Variants in IL19 observed in about 807,000 individuals in gnomAD.
The protein encoded by IL19 is interleukin 19.
A neutral mutation model predicts 19.5 loss-of-function variants in IL19; 15 were observed. That is an observed-to-expected ratio of 0.77 (90% CI 0.52 to 1.19). The LOEUF (loss-of-function observed/expected upper bound fraction) is 1.19. IL19 is among the 50% of genes most tolerant of loss of function. The pLI, the probability that IL19 is intolerant of heterozygous loss-of-function variation, is 0.00. For synonymous variants in IL19, 78 were observed against 78.3 expected, an observed-to-expected ratio of 1.00 and a Z score of 0.02; for missense variants, 199 against 213.1, an observed-to-expected ratio of 0.93 and a Z score of 0.41.
intron 2 of IL19, among the ~76,000 whole-genome samples, chr1:206,820,151 C>T (rs1226755680): frequency 6.6e-6 from 1 of 152,196 alleles, no homozygotes; most frequent in African/African-American, 2.4e-5. Flanking sequence ...TGCTCACTCG[C>T]CTTCCAAGCT....
At chr1:206,801,883 A>G (rs1240800450) in intron 2 of IL19, among the ~76,000 whole-genome samples, 1 of 152,240 alleles carries the variant, frequency 6.6e-6, no homozygotes, top group Non-Finnish European at 1.5e-5. Context: ...TTACCTGGGT[A>G]TCTTGACTGT....
intron 1 of IL19, among the ~76,000 whole-genome samples, chr1:206,777,117 G>A (rs1675026499): frequency 2.6e-5 from 4 of 151,118 alleles, no homozygotes; most frequent in Non-Finnish European, 4.4e-5. Flanking sequence ...TGTAGTCCCA[G>A]CTACTCGGGA....
chr1:206,786,761 C>T (rs1675278107), intron 1 of IL19, among the ~76,000 whole-genome samples: 1 of 152,108 alleles, frequency 6.6e-6, no homozygotes, highest in South Asian at 2.1e-4. Flanking sequence ...CCTCACCCTT[C>T]TCCCCAGTAC....
chr1:206,816,633 G>T (rs1001343861), intron 2 of IL19, among the ~76,000 whole-genome samples: 1 of 152,146 alleles, frequency 6.6e-6, no homozygotes, highest in African/African-American at 2.4e-5. Context: ...TTTAAAAAAA[G>T]ATGGTACAAA....
At chr1:206,774,105 G>C (rs1236562917) in intron 1 of IL19, among the ~76,000 whole-genome samples, 7 of 152,194 alleles carry the variant, frequency 4.6e-5, no homozygotes, top group African/African-American at 7.2e-5. Flanking sequence ...CACTGCAAGG[G>C]GTGCAAACAC....
At position 206,832,182 on chromosome 1, in the gene IL19, G is replaced by A. The variant is rs1208310074; in HGVS notation, c.-2-4479G>A. On this transcript the variant is annotated intron_variant, in intron 2 of 6. Transcript: ENST00000659997. Reference sequence around the variant, plus strand: ...ACCCTCTCCAAAGGAGCAGAAAGATGTCCATTAGCTCCTAACAAAGGTGTC... The same window carrying A: ...ACCCTCTCCAAAGGAGCAGAAAGATATCCATTAGCTCCTAACAAAGGTGTC... Among the ~76,000 whole-genome samples, 3 of 152,248 alleles carry A rather than the reference G, an allele frequency of 2.0e-5. No homozygotes were observed. In the East Asian group the frequency reaches 5.8e-4, roughly 29 times the overall value.
chr1:206,840,327 C>T (rs1291095744), intron 5 of IL19: 1 of 435,408 alleles, frequency 2.3e-6, no homozygotes, highest in Non-Finnish European at 4.4e-6. Context: ...TATTTCTGGC[C>T]CTTTGGTGTC....
intron 2 of IL19, chr1:206,833,835 T>C (rs1676692897): frequency 1.0e-6 from 1 of 985,552 alleles, no homozygotes; most frequent in African/African-American, 1.7e-5. Flanking sequence ...GTGTTCCTCA[T>C]GAAGTTCAAC....
At chr1:206,823,707 T>C (rs538422657) in intron 2 of IL19, among the ~76,000 whole-genome samples, 29 of 152,358 alleles carry the variant, frequency 1.9e-4, no homozygotes, top group Admixed American at 1.7e-3. Context: ...ACTTTTCTAA[T>C]GGCTGAGAAA....
At chr1:206,800,338 G>T (rs552781820) in intron 2 of IL19, among the ~76,000 whole-genome samples, 7 of 152,336 alleles carry the variant, frequency 4.6e-5, no homozygotes, top group Admixed American at 2.0e-4. Flanking sequence ...TGGAGGAGTT[G>T]TCTCCCTGGG....
chr1:206,806,347 C>T (rs377057612), intron 2 of IL19, among the ~76,000 whole-genome samples: 1 of 147,778 alleles, frequency 6.8e-6, no homozygotes, highest in African/African-American at 2.5e-5. Context: ...ATCACATTGG[C>T]AGATAGAAAA....
chr1:206,820,670 G>A (rs1267484855), intron 2 of IL19, among the ~76,000 whole-genome samples: 1 of 152,234 alleles, frequency 6.6e-6, no homozygotes, highest in Non-Finnish European at 1.5e-5. Flanking sequence ...TGTGGACATG[G>A]CTGGGTGAGA....
At chr1:206,839,085 C>T (rs1676905429) in intron 4 of IL19, among the ~76,000 whole-genome samples, 1 of 152,226 alleles carries the variant, frequency 6.6e-6, no homozygotes, top group Non-Finnish European at 1.5e-5. Context: ...GTAACTGGCT[C>T]TCAGGGCAGA....
At chr1:206,788,922 G>A (rs903980258) in intron 1 of IL19, among the ~76,000 whole-genome samples, 2 of 152,228 alleles carry the variant, frequency 1.3e-5, no homozygotes, top group African/African-American at 4.8e-5. Flanking sequence ...TGTGGTGCCT[G>A]TGTGTGTAAG....
chr1:206,831,869 C>A (rs1676618597), intron 2 of IL19, among the ~76,000 whole-genome samples: 1 of 152,256 alleles, frequency 6.6e-6, no homozygotes, highest in Non-Finnish European at 1.5e-5. Context: ...CCTTCCCCTG[C>A]AAGCTTCCTG....
At chr1:206,787,747 G>A (rs887364347) in intron 1 of IL19, among the ~76,000 whole-genome samples, 6 of 152,170 alleles carry the variant, frequency 3.9e-5, no homozygotes, top group Non-Finnish European at 7.3e-5. Flanking sequence ...ACATGAAAGA[G>A]CCCCTCTGTG....
chr1:206,837,360 G>A (rs1039430536), intron 4 of IL19, among the ~76,000 whole-genome samples: 3 of 152,156 alleles, frequency 2.0e-5, no homozygotes, highest in Non-Finnish European at 4.4e-5. Context: ...GGAGGTTGTA[G>A]ATCAGTGAAT....
intron 1 of IL19, chr1:206,772,531 G>T: frequency 8.8e-7 from 1 of 1,134,894 alleles, no homozygotes; most frequent in Non-Finnish European, 1.3e-6. Flanking sequence ...TATATTGTAA[G>T]CTCAGGGAGG....
chr1:206,816,317 T>TA (rs1676154530), intron 2 of IL19, among the ~76,000 whole-genome samples: 1 of 152,112 alleles, frequency 6.6e-6, no homozygotes, highest in African/African-American at 2.4e-5. Flanking sequence ...TTTTAAAAAA[T>TA]AATGTACTTT....
Sources: allele counts gnomAD v4.1 joint callset (sites outside exome capture counted in the v4.1 genomes callset), GRCh38; gene constraint gnomAD v4.1.1; transcripts MANE v1.5; gene names NCBI Gene and HGNC (gene_info 2026-07-23, HGNC 2026-07-21).